Variants in KDM6A observed in about 807,000 individuals in gnomAD.
The protein encoded by KDM6A is lysine-specific demethylase 6A.
Under a neutral mutation model 117.6 loss-of-function variants are expected in KDM6A, and 11 were observed. The observed-to-expected ratio is 0.09, with a 90% CI of 0.06 to 0.15. The LOEUF (loss-of-function observed/expected upper bound fraction) is 0.15. KDM6A is among the 10% of genes least tolerant of loss of function. KDM6A has a pLI of 1.00. For synonymous variants in KDM6A, 384 were observed against 396.1 expected, an observed-to-expected ratio of 0.97 and a Z score of 0.36; for missense variants, 799 against 1,077.3, an observed-to-expected ratio of 0.74 and a Z score of 3.62.
intron 2 of KDM6A, among the ~76,000 whole-genome samples, chrX:44,906,009 C>T (rs1261281079): frequency 9.0e-6 from 1 of 111,703 alleles, no homozygotes; most frequent in Non-Finnish European, 1.9e-5. Context: ...TGGGTTTGGT[C>T]TCTACAGACA....
At chrX:45,002,373 A>C (rs2041184409) in intron 4 of KDM6A, among the ~76,000 whole-genome samples, 1 of 111,981 alleles carries the variant, frequency 8.9e-6, no homozygotes, top group South Asian at 3.7e-4. Flanking sequence ...TTAGTGCTTT[A>C]AGAAAAACCT....
intron 2 of KDM6A, among the ~76,000 whole-genome samples, chrX:44,940,966 C>T (rs1239706032): frequency 9.0e-6 from 1 of 110,979 alleles, no homozygotes; most frequent in Non-Finnish European, 1.9e-5. Context: ...ATCCAGGAGG[C>T]GGAGGTTGCG....
chrX:44,918,945 C>T (rs998177453), intron 2 of KDM6A, among the ~76,000 whole-genome samples: 2 of 111,503 alleles, frequency 1.8e-5, no homozygotes, highest in African/African-American at 6.5e-5. Flanking sequence ...TGATGTAACT[C>T]TTAAAAATGT....
At chrX:45,017,681 G>A (rs758011991) in intron 5 of KDM6A, among the ~76,000 whole-genome samples, 13 of 112,056 alleles carry the variant, frequency 1.2e-4, no homozygotes, top group Non-Finnish European at 2.4e-4. Context: ...TCAATTAACT[G>A]TAAATGTGAT....
intron 4 of KDM6A, among the ~76,000 whole-genome samples, chrX:44,994,231 A>G (rs1001262574): frequency 2.7e-5 from 3 of 111,850 alleles, no homozygotes; most frequent in African/African-American, 9.8e-5. Context: ...TTTGAATAGC[A>G]TCTCCCCAAT....
intron 2 of KDM6A, among the ~76,000 whole-genome samples, chrX:44,935,723 C>T (rs764124800): frequency 8.9e-6 from 1 of 111,750 alleles, no homozygotes; most frequent in Non-Finnish European, 1.9e-5. Context: ...CATTTGGATA[C>T]TTTGGCACTA....
At chrX:45,105,698 C>T (rs1056273318) in intron 27 of KDM6A, among the ~76,000 whole-genome samples, 4 of 112,182 alleles carry the variant, frequency 3.6e-5, no homozygotes, top group Non-Finnish European at 7.5e-5. Flanking sequence ...CACGCATGCA[C>T]ACATCAATAG....
At chrX:45,078,308 A>G (rs1354305917) in intron 19 of KDM6A, 92 bp from the exon 20 acceptor site, 3 of 883,526 alleles carry the variant, frequency 3.4e-6, no homozygotes, top group Non-Finnish European at 4.8e-6. Context: ...CGTTATTTAA[A>G]TTGTGAAAAA....
At chrX:44,877,749 C>T (rs1357200899) in intron 2 of KDM6A, among the ~76,000 whole-genome samples, 3 of 110,212 alleles carry the variant, frequency 2.7e-5, no homozygotes, top group South Asian at 3.7e-4. Flanking sequence ...TTCTTAAATA[C>T]TCTTATTGGA....
chrX:45,089,735 T>C lies in KDM6A; in HGVS notation c.3705-8T>C. The C allele has an allele frequency of 8.5e-7, 1 of 1,178,690 alleles. No individual in the cohort carries two copies. Among genetic ancestry groups the C allele is most frequent in the Non-Finnish European group, 1.2e-6 (1 of 866,275 alleles). On this transcript the variant is annotated splice_region_variant and splice_polypyrimidine_tract_variant and intron_variant, in intron 25 of 29. Transcript: ENST00000611820. Reference sequence around the variant, plus strand: ...TGATCCATTTGCATTATTTTTTTCTTATTTCAGAAATAATTTGAATTTCCT... The same window carrying C: ...TGATCCATTTGCATTATTTTTTTCTCATTTCAGAAATAATTTGAATTTCCT...
chrX:44,979,860 G>A (rs999243710), intron 4 of KDM6A, among the ~76,000 whole-genome samples: 1 of 110,504 alleles, frequency 9.0e-6, no homozygotes, highest in African/African-American at 3.3e-5. Context: ...GTACAATTTA[G>A]TTTTCTGTTT....
intron 4 of KDM6A, among the ~76,000 whole-genome samples, chrX:44,985,836 T>A (rs963868215): frequency 9.0e-6 from 1 of 111,164 alleles, no homozygotes; most frequent in African/African-American, 3.3e-5. Context: ...GATTTTTGCA[T>A]CGATGTTCAT....
chrX:44,943,151 A>G (rs978967714), intron 2 of KDM6A, among the ~76,000 whole-genome samples: 7 of 111,328 alleles, frequency 6.3e-5, no homozygotes, highest in African/African-American at 2.3e-4. Context: ...ATATACCGGC[A>G]TACCTTGGAG....
intron 4 of KDM6A, among the ~76,000 whole-genome samples, chrX:44,998,968 C>G (rs746513978): frequency 1.1e-4 from 12 of 111,699 alleles, no homozygotes; most frequent in Non-Finnish European, 2.1e-4. Context: ...CCTGAAACTT[C>G]AGGTAGAACT....
intron 8 of KDM6A, among the ~76,000 whole-genome samples, chrX:45,046,787 G>A (rs1202804347): frequency 9.0e-6 from 1 of 111,576 alleles, no homozygotes; most frequent in Non-Finnish European, 1.9e-5. Flanking sequence ...TGTGGTACTG[G>A]CATGTGAATA....
intron 2 of KDM6A, among the ~76,000 whole-genome samples, chrX:44,897,306 GTTC>G (rs1458122364): frequency 9.9e-6 from 1 of 100,637 alleles, no homozygotes; most frequent in Admixed American, 1.1e-4. Flanking sequence ...TTTCCATTTG[GTTC>G]TTCTAAAATA....
At chrX:45,045,928 G>A (rs2043516255) in intron 8 of KDM6A, among the ~76,000 whole-genome samples, 1 of 109,984 alleles carries the variant, frequency 9.1e-6, no homozygotes, top group African/African-American at 3.3e-5. Flanking sequence ...TTAATTTTTT[G>A]AGAAACAGTC....
intron 18 of KDM6A, among the ~76,000 whole-genome samples, chrX:45,073,667 G>A (rs2044973068): frequency 8.9e-6 from 1 of 112,288 alleles, no homozygotes; most frequent in South Asian, 3.7e-4. Context: ...CTGCATAAAT[G>A]TCTTCTTTTG....
At chrX:44,912,281 G>C (rs2035253386) in intron 2 of KDM6A, among the ~76,000 whole-genome samples, 1 of 109,928 alleles carries the variant, frequency 9.1e-6, no homozygotes, top group African/African-American at 3.3e-5. Context: ...GTAGAGACGG[G>C]TTTCTCCATG....
Sources: gnomAD v4.1 joint callset for allele counts (sites outside exome capture counted in the v4.1 genomes callset) on GRCh38, gnomAD v4.1.1 for gene constraint, MANE v1.5 for transcripts, NCBI Gene and HGNC (gene_info 2026-07-23, HGNC 2026-07-21) for gene names.